ARPP21: variants seen among roughly 807,000 people sequenced by gnomAD.
The protein encoded by ARPP21 is cAMP regulated phosphoprotein 21.
A neutral mutation model predicts 113.2 loss-of-function variants in ARPP21; 69 were observed. The observed-to-expected ratio is 0.61, with a 90% CI of 0.50 to 0.74. The LOEUF (loss-of-function observed/expected upper bound fraction) is 0.74, where lower values mean the gene tolerates loss of function less well. ARPP21 is among the 30% of genes least tolerant of loss of function. The pLI is 0.00. For missense variants in ARPP21, 1,070 were observed against 1,037.4 expected, an observed-to-expected ratio of 1.03 and a Z score of -0.43; for synonymous variants, 368 against 375.5, an observed-to-expected ratio of 0.98 and a Z score of 0.23.
In ARPP21 at chr3:35,639,949, G is replaced by C. The variant is rs1050135097; in HGVS notation, c.-662G>C. 6.6e-6 allele frequency: 1 copy of C among 152,286 alleles called. No homozygotes were observed. Among genetic ancestry groups the C allele is most frequent in the African/African-American group, 2.4e-5 (1 of 41,456 alleles). The allele number at this position is 152,286 out of a possible 1,614,324, so 9.4% of individuals were successfully genotyped here. A position where few individuals can be genotyped will look rare whatever the true frequency, so the allele number is the denominator to read the frequency against. On this transcript the variant is annotated 5_prime_UTR_variant, in exon 1 of 21. Coordinates refer to ENST00000684406, the MANE Select transcript of ARPP21 (RefSeq NM_001385562.1). The surrounding 1 kb of genome is among the most constrained non-coding windows in gnomAD (Gnocchi z 5.0). The stretch of plus-strand genomic sequence containing the variant: ...AGAATCCCGCGCCGAGCTGCTAGTC[G>C]GACCCACAGACGGTCGGACTGACAG...
intron 9 of ARPP21, 38 bp from the exon 10 acceptor site, chr3:35,706,936 A>G (rs762544849): frequency 1.3e-6 from 2 of 1,525,806 alleles, no homozygotes; most frequent in East Asian, 4.5e-5. Context: ...AACAAGGGGG[A>G]AAAACTTTTT....
At chr3:35,723,609 C>T (rs2093303857) in intron 14 of ARPP21, among the ~76,000 whole-genome samples, 1 of 152,128 alleles carries the variant, frequency 6.6e-6, no homozygotes, top group South Asian at 2.1e-4. Flanking sequence ...AAACCAAGTA[C>T]TTTAAATGGT....
intron 11 of ARPP21, among the ~76,000 whole-genome samples, chr3:35,713,035 G>T (rs1184779844): frequency 6.6e-6 from 1 of 152,140 alleles, no homozygotes; most frequent in African/African-American, 2.4e-5. Flanking sequence ...CAGTGGGGAT[G>T]GGTAATAAGG....
At chr3:35,775,682 C>T (rs1376797860) in intron 19 of ARPP21, among the ~76,000 whole-genome samples, 1 of 151,838 alleles carries the variant, frequency 6.6e-6, no homozygotes, top group East Asian at 1.9e-4. Context: ...TCATTTTATG[C>T]AATATATTTT....
upstream of ARPP21, chr3:35,639,176 C>A (rs987328685): frequency 6.6e-6 from 1 of 152,174 alleles, no homozygotes; most frequent in African/African-American, 2.4e-5. This position sits in a 1 kb window ranked among gnomAD's most constrained non-coding sequence, Gnocchi z 5.0. Context: ...GTGGCTCATG[C>A]GCTTTGTCTC....
At chr3:35,646,046 A>G (rs1001570205) in intron 1 of ARPP21, among the ~76,000 whole-genome samples, 2 of 151,982 alleles carry the variant, frequency 1.3e-5, no homozygotes, top group African/African-American at 4.8e-5. Context: ...AGGCCTAGCT[A>G]TCATCTAAAT....
intron 9 of ARPP21, among the ~76,000 whole-genome samples, chr3:35,700,466 T>C (rs2085930526): frequency 6.6e-6 from 1 of 151,680 alleles, no homozygotes; most frequent in Non-Finnish European, 1.5e-5. Context: ...AATGCTACTA[T>C]CATTTAATGT....
rs1462193480 is a variant in ARPP21 at position 35,737,174 on chromosome 3, G to T, written c.1460-4G>T. The T allele has an allele frequency of 1.3e-6, 2 of 1,589,910 alleles. No individual in the cohort carries two copies. Among genetic ancestry groups the T allele is most frequent in the African/African-American group, 1.3e-5 (1 of 74,426 alleles). ...ACCTGGACTAAGTTCTGATTCCATT[G>T]CAGGCCAGCCCTTTGTGAATCCCGA... is the stretch of plus-strand genomic sequence containing the variant. On this transcript the variant is annotated splice_region_variant and splice_polypyrimidine_tract_variant and intron_variant, in intron 15 of 20. Transcript: ENST00000684406.
At chr3:35,649,147 G>T (rs1701416788) in intron 1 of ARPP21, among the ~76,000 whole-genome samples, 1 of 152,104 alleles carries the variant, frequency 6.6e-6, no homozygotes, top group South Asian at 2.1e-4. Flanking sequence ...ATTAAAAATT[G>T]ACCTTTCTAC....
chr3:35,724,423 C>T (rs984659094), intron 14 of ARPP21, among the ~76,000 whole-genome samples: 5 of 152,202 alleles, frequency 3.3e-5, no homozygotes, highest in African/African-American at 1.2e-4. Flanking sequence ...CCATCTTGAT[C>T]TTCAAAGCAG....
intron 19 of ARPP21, 63 bp downstream of exon 19, chr3:35,744,028 C>T (rs2094850681): frequency 6.4e-7 from 1 of 1,570,492 alleles, no homozygotes; most frequent in Non-Finnish European, 8.8e-7. Context: ...GAATCTTGTA[C>T]TCTTTGGATG....
intron 1 of ARPP21, among the ~76,000 whole-genome samples, chr3:35,663,748 A>G (rs1169031660): frequency 6.6e-6 from 1 of 152,118 alleles, no homozygotes; most frequent in Non-Finnish European, 1.5e-5. Context: ...AGTCCTCCGG[A>G]GTAATGCTGG....
intron 15 of ARPP21, among the ~76,000 whole-genome samples, chr3:35,735,660 C>T (rs2094305487): frequency 6.6e-6 from 1 of 152,218 alleles, no homozygotes; most frequent in Admixed American, 6.5e-5. Context: ...ATAAGGAGGA[C>T]TTTCCACTGA....
intron 15 of ARPP21, among the ~76,000 whole-genome samples, chr3:35,730,432 C>A (rs1224316670): frequency 6.6e-6 from 1 of 152,168 alleles, no homozygotes. Flanking sequence ...AGGTAGAGTA[C>A]AGAAATGCTG....
intron 1 of ARPP21, chr3:35,643,595 T>C (rs535483365): frequency 1.3e-5 from 2 of 151,988 alleles, no homozygotes; most frequent in Admixed American, 6.6e-5. Flanking sequence ...ATAAGTAGAG[T>C]GTAGAATGAG....
intron 9 of ARPP21, among the ~76,000 whole-genome samples, chr3:35,702,655 G>C (rs2086869809): frequency 6.6e-6 from 1 of 151,692 alleles, no homozygotes; most frequent in Non-Finnish European, 1.5e-5. Flanking sequence ...TTGCAAGGGT[G>C]TTTCAAAATT....
intron 19 of ARPP21, among the ~76,000 whole-genome samples, chr3:35,783,969 A>G (rs919226468): frequency 2.6e-5 from 4 of 152,152 alleles, no homozygotes; most frequent in African/African-American, 9.7e-5. Flanking sequence ...TAGGTTCAAT[A>G]TGACCTCCTG....
intron 12 of ARPP21, 181 bp downstream of exon 12, chr3:35,715,657 A>G: frequency 2.4e-6 from 1 of 408,380 alleles, no homozygotes; most frequent in South Asian, 6.2e-5. Flanking sequence ...TCTAATTTGG[A>G]AAAAAAATTT....
At chr3:35,737,443 G>T in intron 16 of ARPP21, 81 bp downstream of exon 16, 1 of 926,540 alleles carries the variant, frequency 1.1e-6, no homozygotes, top group South Asian at 2.0e-5. Flanking sequence ...AGAGAATCAG[G>T]GAGAAGCGTA....
Sources: gnomAD v4.1 joint callset for allele counts (sites outside exome capture counted in the v4.1 genomes callset) on GRCh38, gnomAD v4.1.1 for gene constraint, Gnocchi (gnomAD v3.1) non-coding constraint, MANE v1.5 for transcripts, NCBI Gene and HGNC (gene_info 2026-07-23, HGNC 2026-07-21) for gene names.